The following ACADM variants were observed in gnomAD, a reference collection of about 807,000 sequenced individuals.
The protein encoded by ACADM is medium-chain specific acyl-CoA dehydrogenase, mitochondrial.
ACADM carries 49 observed loss-of-function variants against 58.9 expected under a neutral mutation model. The observed-to-expected ratio is 0.83, with a 90% CI of 0.66 to 1.06. ACADM has a LOEUF of 1.06. Among genes scored for constraint, ACADM ranks in the 50% least tolerant of loss-of-function variants. The probability of loss-of-function intolerance (pLI) is 0.00; values close to 1 mark genes in which losing one functional copy is unlikely to be tolerated. For synonymous variants in ACADM, 160 were observed against 157.7 expected, an observed-to-expected ratio of 1.01 and a Z score of -0.11; for missense variants, 496 against 507.0, an observed-to-expected ratio of 0.98 and a Z score of 0.21.
rs1146572 is a variant in ACADM, at chr1:75,728,621, A to G, written c.118+133A>G. Reference sequence around the variant, plus strand: ...AGAACCAGTCCACTGTCCACAGATAATTTACAATAACTCACACTCCATTCT... The same window carrying G: ...AGAACCAGTCCACTGTCCACAGATAGTTTACAATAACTCACACTCCATTCT... On this transcript the variant is annotated intron_variant, in intron 2 of 11. Coordinates refer to ENST00000370841, the MANE Select transcript of ACADM (RefSeq NM_000016.6). 0.91 allele frequency: 609,355 copies of G among 666,670 alleles called. 279,826 individuals are homozygous for G. Among genetic ancestry groups the G allele is most frequent in the African/African-American group, 0.97 (54,097 of 55,722 alleles). The allele number at this position is 666,670 out of a possible 1,614,324, so 41.3% of individuals were successfully genotyped here. A position where few individuals can be genotyped will look rare whatever the true frequency, so the allele number is the denominator to read the frequency against.
intron 4 of ACADM, 195 bp downstream of exon 4, chr1:75,733,117 C>T (rs1195322138): frequency 6.2e-7 from 1 of 1,612,874 alleles, no homozygotes; most frequent in South Asian, 1.1e-5. Flanking sequence ...CTTCTTCTAA[C>T]TGGTTCCAAC....
At chr1:75,744,347 T>C (rs2100403304) in intron 7 of ACADM, 13 of 1,606,532 alleles carry the variant, frequency 8.1e-6, no homozygotes, top group Non-Finnish European at 1.1e-5. Context: ...CCAGTTTTCC[T>C]GAGTGTGAAA....
At chr1:75,747,544 G>A (rs1353011090) in intron 8 of ACADM, among the ~76,000 whole-genome samples, 3 of 152,292 alleles carry the variant, frequency 2.0e-5, no homozygotes, top group Admixed American at 6.5e-5. Flanking sequence ...CTAGCACTTT[G>A]GGAGGTTGAG....
intron 6 of ACADM, among the ~76,000 whole-genome samples, chr1:75,736,202 A>ACG (rs1647258895): frequency 6.6e-6 from 1 of 151,272 alleles, no homozygotes; most frequent in Admixed American, 6.6e-5. Context: ...ACACACACAC[A>ACG]CACGCTCTAT....
intron 1 of ACADM, 85 bp downstream of exon 1, chr1:75,724,902 C>G: frequency 7.7e-7 from 1 of 1,304,776 alleles, no homozygotes; most frequent in Non-Finnish European, 1.0e-6. Flanking sequence ...AAAATAGGTG[C>G]GGCCGGGAGG....
At chr1:75,746,088 C>G (rs1647885771) in intron 8 of ACADM, among the ~76,000 whole-genome samples, 174 bp downstream of exon 8, 1 of 152,114 alleles carries the variant, frequency 6.6e-6, no homozygotes, top group Non-Finnish European at 1.5e-5. Flanking sequence ...ATTTTGTGAA[C>G]AGTCATTTCA....
chr1:75,733,086 C>G (rs1328057335), intron 4 of ACADM, 164 bp downstream of exon 4: 12 of 1,613,046 alleles, frequency 7.4e-6, no homozygotes, highest in Admixed American at 1.7e-5. Flanking sequence ...AGCTTGCACT[C>G]TATACCTAGA....
At chr1:75,729,295 C>CTTTTTTT (rs35372302) in intron 2 of ACADM, among the ~76,000 whole-genome samples, 6 of 85,330 alleles carry the variant, frequency 7.0e-5, no homozygotes, top group Admixed American at 1.4e-4. Context: ...TTTCTTTTTT[C>CTTTTTTT]TTTTTTTTTT....
chr1:75,739,424 G>A (rs1279384383), intron 6 of ACADM, among the ~76,000 whole-genome samples: 1 of 152,128 alleles, frequency 6.6e-6, no homozygotes, highest in Non-Finnish European at 1.5e-5. Flanking sequence ...TGAATTTAAT[G>A]AACTTGTTTA....
intron 2 of ACADM, among the ~76,000 whole-genome samples, chr1:75,729,287 T>A: frequency 9.0e-6 from 1 of 110,692 alleles, no homozygotes; most frequent in Non-Finnish European, 1.9e-5. Flanking sequence ...TTTCTTTCTT[T>A]CTTTTTTCTT....
chr1:75,729,577 T>C (rs1480650997), intron 2 of ACADM, among the ~76,000 whole-genome samples: 3 of 150,526 alleles, frequency 2.0e-5, no homozygotes, highest in Non-Finnish European at 3.0e-5. Flanking sequence ...CACTGCAACC[T>C]CTACCTCCCA....
intron 7 of ACADM, chr1:75,744,573 A>G (rs1191332222): frequency 1.5e-6 from 2 of 1,376,314 alleles, no homozygotes; most frequent in Non-Finnish European, 1.0e-6. Flanking sequence ...TAACCAAGTC[A>G]TACTTGCATA....
At chr1:75,732,986 C>T (rs1243993741) in intron 4 of ACADM, 64 bp downstream of exon 4, 4 of 1,613,098 alleles carry the variant, frequency 2.5e-6, no homozygotes, top group East Asian at 2.2e-5. Context: ...TGGAACTCTA[C>T]TCAGTCATTT....
chr1:75,739,367 A>G (rs1047759198), intron 6 of ACADM, among the ~76,000 whole-genome samples: 2 of 152,224 alleles, frequency 1.3e-5, no homozygotes, highest in Admixed American at 6.5e-5. Flanking sequence ...ATCGTGGTAC[A>G]TAGTAGATAT....
intron 10 of ACADM, among the ~76,000 whole-genome samples, chr1:75,754,423 G>C (rs1262012293): frequency 1.3e-5 from 2 of 151,934 alleles, no homozygotes; most frequent in Non-Finnish European, 2.9e-5. Flanking sequence ...TCTTGGCCAG[G>C]CTGGTCTTAA....
At chr1:75,761,772 G>C (rs1329820278) in intron 11 of ACADM, among the ~76,000 whole-genome samples, 1 of 152,146 alleles carries the variant, frequency 6.6e-6, no homozygotes, top group Non-Finnish European at 1.5e-5. Flanking sequence ...AACATCAGGA[G>C]ACAGTGATGT....
chr1:75,742,228 C>T (rs1427587724), intron 7 of ACADM, among the ~76,000 whole-genome samples: 1 of 144,528 alleles, frequency 6.9e-6, no homozygotes, highest in Non-Finnish European at 1.5e-5. Flanking sequence ...TGTCAAATGT[C>T]AGCAGCCTCA....
At chr1:75,756,811 A>G (rs1443988594) in intron 10 of ACADM, among the ~76,000 whole-genome samples, 2 of 152,200 alleles carry the variant, frequency 1.3e-5, no homozygotes, top group African/African-American at 2.4e-5. Context: ...TTCAAACTAT[A>G]CTACAAGGCT....
chr1:75,755,878 C>A (rs1473202684), intron 10 of ACADM, among the ~76,000 whole-genome samples: 3 of 152,202 alleles, frequency 2.0e-5, no homozygotes, highest in Non-Finnish European at 2.9e-5. Context: ...CCACCACGAT[C>A]AAGTCAGCTT....
Sources: allele counts gnomAD v4.1 joint callset (sites outside exome capture counted in the v4.1 genomes callset), GRCh38; gene constraint gnomAD v4.1.1; transcripts MANE v1.5; gene names NCBI Gene and HGNC (gene_info 2026-07-23, HGNC 2026-07-21).